Variants in SOX5 observed in about 807,000 individuals in gnomAD.
SOX5 encodes the protein SRY-box transcription factor 5.
Under a neutral mutation model 92.0 loss-of-function variants are expected in SOX5, and 9 were observed. The observed-to-expected ratio is 0.10, with a 90% confidence interval of 0.06 to 0.17. The LOEUF is 0.17. SOX5 is among the 10% of genes least tolerant of loss of function. The pLI is 1.00. For missense variants in SOX5, 642 were observed against 944.5 expected (o/e 0.68, Z 4.20); for synonymous variants, 344 against 336.3 (o/e 1.02, Z -0.25).
At chr12:23,858,979 C>T (rs2096724299) in intron 2 of SOX5, among the ~76,000 whole-genome samples, 1 of 152,202 alleles carries the variant, frequency 6.6e-6, no homozygotes. Context: ...TAATTTCCTG[C>T]ACCTGTCTTT....
intron 3 of SOX5, among the ~76,000 whole-genome samples, chr12:23,836,931 T>C (rs1360095169): frequency 2.0e-5 from 3 of 151,778 alleles, no homozygotes; most frequent in Non-Finnish European, 4.4e-5. Flanking sequence ...TATGAAAATA[T>C]TTTGTAGTTT....
At chr12:24,479,987 C>CT (rs1487578748) in intron 1 of SOX5, among the ~76,000 whole-genome samples, 1 of 152,110 alleles carries the variant, frequency 6.6e-6, no homozygotes, top group African/African-American at 2.4e-5. Flanking sequence ...TTTTAAAAAC[C>CT]ATAATAGTTA....
chr12:24,516,992 T>A (rs1379097102), intron 1 of SOX5, among the ~76,000 whole-genome samples: 1 of 152,150 alleles, frequency 6.6e-6, no homozygotes, highest in African/African-American at 2.4e-5. Context: ...TACTAAACAA[T>A]AAACATGAGA....
chr12:23,671,103 A>T (rs1324880199), intron 6 of SOX5, among the ~76,000 whole-genome samples: 1 of 152,148 alleles, frequency 6.6e-6, no homozygotes, highest in Non-Finnish European at 1.5e-5. Context: ...AAAACACAGG[A>T]ATCAAAGAAC....
chr12:23,820,586 G>C (rs2096089094), intron 3 of SOX5, among the ~76,000 whole-genome samples: 1 of 152,120 alleles, frequency 6.6e-6, no homozygotes, highest in Non-Finnish European at 1.5e-5. Flanking sequence ...AATCCATCTT[G>C]AGTTAATTTT....
chr12:24,490,409 C>A (rs1269052703), intron 1 of SOX5, among the ~76,000 whole-genome samples: 1 of 152,172 alleles, frequency 6.6e-6, no homozygotes, highest in African/African-American at 2.4e-5. Context: ...CTTTTCATAT[C>A]ATTTTCCTTC....
intron 4 of SOX5, chr12:24,212,417 A>T (rs1565668024): frequency 1.9e-6 from 1 of 533,644 alleles, no homozygotes; most frequent in Admixed American, 1.9e-5. Context: ...TGAAAAAGCC[A>T]CTGGTAGTTG....
chr12:23,953,280 T>G (rs1280780054), upstream of SOX5, among the ~76,000 whole-genome samples: 2 of 152,106 alleles, frequency 1.3e-5, no homozygotes, highest in African/African-American at 4.8e-5. Context: ...AATATTAAAA[T>G]ACTGTTAATT....
At chr12:23,810,692 G>C (rs753530573) in intron 3 of SOX5, among the ~76,000 whole-genome samples, 1 of 152,094 alleles carries the variant, frequency 6.6e-6, no homozygotes, top group Non-Finnish European at 1.5e-5. Context: ...TTTAGCAGCA[G>C]GGGGCTGGTC....
chr12:24,224,286 A>C (rs1961323627), intron 3 of SOX5, among the ~76,000 whole-genome samples: 1 of 152,014 alleles, frequency 6.6e-6, no homozygotes, highest in African/African-American at 2.4e-5. Flanking sequence ...GATTACTTAG[A>C]GCTAAGTCTC....
intron 2 of SOX5, among the ~76,000 whole-genome samples, chr12:23,847,586 T>G (rs2096588827): frequency 6.6e-6 from 1 of 152,012 alleles, no homozygotes; most frequent in Non-Finnish European, 1.5e-5. Flanking sequence ...TTTTTTTTTG[T>G]TGTTAAGATA....
chr12:23,674,635 G>A (rs1275951836), intron 6 of SOX5, among the ~76,000 whole-genome samples: 1 of 151,798 alleles, frequency 6.6e-6, no homozygotes, highest in East Asian at 1.9e-4. Flanking sequence ...ACCGCACCCA[G>A]CCAAAAAGGA....
intron 2 of SOX5, among the ~76,000 whole-genome samples, chr12:23,874,624 TAAG>T (rs2096908032): frequency 6.6e-6 from 1 of 152,110 alleles, no homozygotes; most frequent in Admixed American, 6.6e-5. Context: ...GCTAGAGTTA[TAAG>T]AAGAGAGAGA....
rs117618232 is a variant in SOX5 at position 23,858,130 on chromosome 12, T to C, written c.271-11937A>G. 5.4e-3 allele frequency among the ~76,000 whole-genome samples: 827 copies of C among 152,208 alleles called. 4 individuals are homozygous for C. The highest frequency in any genetic ancestry group is 8.6e-3 in the Non-Finnish European group (584 of 68,000). On this transcript the variant is annotated intron_variant, in intron 2 of 14. Transcript: ENST00000451604. ...TACATATATGTGCACTTTGTTGTTT[T>C]TTTGTTTGTTTTTTTACAATGTATG...
chr12:23,549,655 C>T (rs1194083447), intron 11 of SOX5, among the ~76,000 whole-genome samples: 1 of 151,898 alleles, frequency 6.6e-6, no homozygotes, highest in Non-Finnish European at 1.5e-5. Flanking sequence ...AAGTAGTCAA[C>T]ATGTAAAAGT....
intron 2 of SOX5, among the ~76,000 whole-genome samples, chr12:24,341,677 A>C (rs1291496422): frequency 6.6e-6 from 1 of 152,230 alleles, no homozygotes; most frequent in African/African-American, 2.4e-5. Context: ...AACTAGCTTC[A>C]TATCAGAATT....
At chr12:24,486,072 T>C (rs1487461056) in intron 1 of SOX5, among the ~76,000 whole-genome samples, 1 of 152,048 alleles carries the variant, frequency 6.6e-6, no homozygotes, top group East Asian at 1.9e-4. Flanking sequence ...CCCACCTCAG[T>C]CTTCCAAGTA....
intron 2 of SOX5, among the ~76,000 whole-genome samples, chr12:24,350,584 G>T (rs1213269642): frequency 6.6e-6 from 1 of 152,148 alleles, no homozygotes; most frequent in Non-Finnish European, 1.5e-5. Flanking sequence ...GCTCAAGCGA[G>T]CCTCCTGCTT....
chr12:24,405,091 C>T (rs532444443), intron 1 of SOX5, among the ~76,000 whole-genome samples: 1 of 152,302 alleles, frequency 6.6e-6, no homozygotes, highest in South Asian at 2.1e-4. Context: ...TGATTTCTGA[C>T]TTCTATCCTC....
Sources: allele counts gnomAD v4.1 joint callset (sites outside exome capture counted in the v4.1 genomes callset), GRCh38; gene constraint gnomAD v4.1.1; transcripts MANE v1.5; gene names NCBI Gene and HGNC (gene_info 2026-07-23, HGNC 2026-07-21).